Variants in VAMP3 observed in about 807,000 individuals in gnomAD.
The protein encoded by VAMP3 is vesicle associated membrane protein 3, also known as vesicle-associated membrane protein 3.
Under a neutral mutation model 18.1 loss-of-function variants are expected in VAMP3, and 11 were observed. The observed-to-expected ratio is 0.61, with a 90% confidence interval of 0.38 to 1.00. The LOEUF is 1.00. VAMP3 is among the 50% of genes least tolerant of loss of function. The pLI is 0.01. For missense variants in VAMP3, 122 were observed against 127.3 expected (o/e 0.96, Z 0.20); for synonymous variants, 49 against 43.1 (o/e 1.14, Z -0.53).
At chr1:7,776,942 G>A (rs778896098) in intron 2 of VAMP3, among the ~76,000 whole-genome samples, 2 of 152,136 alleles carry the variant, frequency 1.3e-5, no homozygotes, top group Non-Finnish European at 2.9e-5. Flanking sequence ...GAGTAGTTGG[G>A]ATTACAAGCG....
At chr1:7,775,497 G>A (rs536702536) in intron 2 of VAMP3, among the ~76,000 whole-genome samples, 1 of 152,090 alleles carries the variant, frequency 6.6e-6, no homozygotes, top group South Asian at 2.1e-4. Flanking sequence ...ACAGGCGCCC[G>A]CCACCTTGCC....
intron 4 of VAMP3, among the ~76,000 whole-genome samples, chr1:7,778,847 A>G (rs1036632953): frequency 6.6e-6 from 1 of 151,082 alleles, no homozygotes; most frequent in Non-Finnish European, 1.5e-5. Flanking sequence ...AATGGGGATA[A>G]TAATAGTCCC....
intron 1 of VAMP3, 118 bp downstream of exon 1, chr1:7,771,503 G>C (rs2097050691): frequency 7.8e-7 from 1 of 1,289,888 alleles, no homozygotes; most frequent in South Asian, 1.8e-5. Context: ...GGGGCTGCGC[G>C]GGGATCCCGA....
Position 7,780,653 on chromosome 1 carries a change from CAAGT to C in VAMP3, c.*1012_*1015del, listed in dbSNP as rs975717592. ...TATGCAAGCAACAATTCTGTAGCCT[CAAGT>C]AAGACCACCTGTGAACTTGATCATT... is the stretch of plus-strand genomic sequence containing the variant. On this transcript the variant is annotated 3_prime_UTR_variant, in exon 5 of 5. Transcript: ENST00000054666. The C allele has an allele frequency of 2.0e-5, 3 of 152,474 alleles. No homozygotes were observed. The highest frequency in any genetic ancestry group is 2.1e-4 in the South Asian group (1 of 4,830). 9.4% of individuals were successfully genotyped at this position (152,474 alleles called of 1,614,324 possible). A position where few individuals can be genotyped will look rare whatever the true frequency, so the allele number is the denominator to read the frequency against.
intron 2 of VAMP3, among the ~76,000 whole-genome samples, chr1:7,773,773 A>G (rs900035314): frequency 1.3e-5 from 2 of 152,246 alleles, no homozygotes; most frequent in Admixed American, 1.3e-4. Context: ...TATGCCTAAA[A>G]CATGAACATC....
At chr1:7,775,562 T>C (rs914194810) in intron 2 of VAMP3, among the ~76,000 whole-genome samples, 2 of 152,206 alleles carry the variant, frequency 1.3e-5, no homozygotes, top group Non-Finnish European at 2.9e-5. Context: ...TTGGTCAGGC[T>C]GGTCTCAAAC....
At chr1:7,777,449 C>A in intron 3 of VAMP3, 131 bp downstream of exon 3, 1 of 1,183,604 alleles carries the variant, frequency 8.4e-7, no homozygotes, top group Admixed American at 2.7e-5. Flanking sequence ...AAATGTGGGT[C>A]CACTGTGAAT....
intron 2 of VAMP3, 159 bp from the exon 3 acceptor site, chr1:7,776,999 CAG>C (rs775650117): frequency 7.9e-6 from 5 of 635,420 alleles, no homozygotes; most frequent in Non-Finnish European, 1.2e-5. Flanking sequence ...AGTACTGAGA[CAG>C]GGTTTCCCCA....
chr1:7,774,451 TTGAG>T (rs1426513408), intron 2 of VAMP3, among the ~76,000 whole-genome samples: 6 of 152,272 alleles, frequency 3.9e-5, no homozygotes, highest in South Asian at 2.1e-4. Flanking sequence ...CTGTATATAA[TTGAG>T]TGTTATTTAG....
At chr1:7,778,074 A>C in intron 3 of VAMP3, 44 bp from the exon 4 acceptor site, 1 of 1,601,870 alleles carries the variant, frequency 6.2e-7, no homozygotes, top group Non-Finnish European at 8.6e-7. Context: ...CAAGCACATT[A>C]TGTCTGCATT....
At chr1:7,777,469 T>G (rs1215829334) in intron 3 of VAMP3, 151 bp downstream of exon 3, 7 of 1,008,398 alleles carry the variant, frequency 6.9e-6, no homozygotes, top group Non-Finnish European at 9.9e-6. Flanking sequence ...TCCGAAACAC[T>G]GACTGCATAC....
rs1218347643 is a variant in VAMP3, at chr1:7,781,393, AC to A, written c.*1751del. The A allele has an allele frequency of 1.3e-5, 2 of 152,544 alleles. No individual in the cohort carries two copies. Among genetic ancestry groups the A allele is most frequent in the African/African-American group, 2.4e-5 (1 of 41,444 alleles). The allele number at this position is 152,544 out of a possible 1,614,324, so 9.4% of individuals were successfully genotyped here. Reference sequence around the variant, plus strand: ...TATCTGTGCACTTAGCTGGGAACTTACCCACTGTAATCACCTAAATAAAGTG... The same window carrying A: ...TATCTGTGCACTTAGCTGGGAACTTACCACTGTAATCACCTAAATAAAGTG... On this transcript the variant is annotated 3_prime_UTR_variant, in exon 5 of 5. Coordinates refer to ENST00000054666, the MANE Select transcript of VAMP3 (RefSeq NM_004781.4).
intron 1 of VAMP3, among the ~76,000 whole-genome samples, chr1:7,772,436 C>G (rs1463649297): frequency 6.6e-6 from 1 of 152,168 alleles, no homozygotes; most frequent in African/African-American, 2.4e-5. Context: ...TAAGAAGACC[C>G]AGGAACCTGT....
Position 7,777,221 on chromosome 1 carries a change from A to C in VAMP3, c.134A>C (p.Glu45Ala). 1 of 1,613,936 alleles carries C rather than the reference A, an allele frequency of 6.2e-7. No homozygotes were observed. The highest frequency in any genetic ancestry group is 8.5e-7 in the Non-Finnish European group (1 of 1,179,956). ...KVLERDQKLS[E>A]LDDRADALQA... ...CTGGAAAGAGACCAGAAGCTCTCTG[A>C]GTTAGACGACCGTGCAGACGCACTG... Residue 45 changes from glutamate to alanine, a missense_variant, in exon 3 of 5, where the codon GAG becomes GCG. Physicochemically the swap from Glu to Ala is moderately radical, Grantham distance 107. Coordinates refer to ENST00000054666, the MANE Select transcript of VAMP3 (RefSeq NM_004781.4).
At chr1:7,778,234 T>C in intron 4 of VAMP3, 65 bp downstream of exon 4, 1 of 1,580,850 alleles carries the variant, frequency 6.3e-7, no homozygotes, top group South Asian at 1.1e-5. Flanking sequence ...CCATTGATTT[T>C]GTGTACAAGA....
intron 2 of VAMP3, 129 bp downstream of exon 2, chr1:7,773,640 C>G: frequency 1.1e-6 from 1 of 880,100 alleles, no homozygotes; most frequent in East Asian, 2.7e-5. Flanking sequence ...TGTAACGAAA[C>G]TTTGCTCCCT....
intron 2 of VAMP3, chr1:7,776,863 A>G (rs992299257): frequency 2.5e-5 from 5 of 197,618 alleles, no homozygotes; most frequent in East Asian, 2.3e-4. Context: ...TTGAAGTGCA[A>G]TGACGCAGTC....
At chr1:7,777,139 G>A in intron 2 of VAMP3, 21 bp from the exon 3 acceptor site, 1 of 1,590,504 alleles carries the variant, frequency 6.3e-7, no homozygotes, top group Non-Finnish European at 8.6e-7. Flanking sequence ...TGCATTACTT[G>A]CTGTGATCAC....
intron 2 of VAMP3, among the ~76,000 whole-genome samples, chr1:7,775,120 T>A (rs1016574627): frequency 1.3e-5 from 2 of 152,242 alleles, no homozygotes; most frequent in African/African-American, 4.8e-5. Flanking sequence ...TCATTTGCGT[T>A]TCTCTAATGA....
Sources: allele counts gnomAD v4.1 joint callset (sites outside exome capture counted in the v4.1 genomes callset), GRCh38; gene constraint gnomAD v4.1.1; transcripts MANE v1.5; gene names NCBI Gene and HGNC (gene_info 2026-07-23, HGNC 2026-07-21).